Variants in SAMD8 observed in about 807,000 individuals in gnomAD.
SAMD8 encodes the protein sphingomyelin synthase-related protein 1.
Under a neutral mutation model 42.0 loss-of-function variants are expected in SAMD8, and 20 were observed. That is an observed-to-expected ratio of 0.48 (90% CI 0.34 to 0.69). SAMD8 has a LOEUF of 0.69. SAMD8 is among the 30% of genes least tolerant of loss of function. The pLI is 0.01. For synonymous variants in SAMD8, 162 were observed against 173.0 expected (o/e 0.94, Z 0.50); for missense variants, 328 against 511.6 (o/e 0.64, Z 3.46).
At chr10:75,109,027 T>C (rs867999591), upstream of SAMD8, 4 of 1,608,878 alleles carry the variant, frequency 2.5e-6, no homozygotes, top group Middle Eastern at 1.7e-4. Context: ...TATGAAAAGG[T>C]TGGGCCAAAC....
At position 75,136,577 on chromosome 10, in the gene SAMD8, C is replaced by A. The variant is rs143904990; in HGVS notation, c.-15-13937C>A. On this transcript the variant is annotated intron_variant, in intron 1 of 5. Coordinates refer to ENST00000542569, the MANE Select transcript of SAMD8 (RefSeq NM_001174156.2). Reference sequence around the variant, plus strand: ...TTGGTAATCAGTCAGGGTTCACTTGCAAGAGAGAGAAACTTCTTTGGTCTG... The same window carrying A: ...TTGGTAATCAGTCAGGGTTCACTTGAAAGAGAGAGAAACTTCTTTGGTCTG... Among the ~76,000 whole-genome samples the A allele has an allele frequency of 1.3e-3, 198 of 152,218 alleles. 4 individuals carry two copies. The highest frequency in any genetic ancestry group is 4.3e-3 in the African/African-American group (179 of 41,532).
chr10:75,118,237 C>T (rs527698390), intron 1 of SAMD8, among the ~76,000 whole-genome samples: 2 of 152,292 alleles, frequency 1.3e-5, no homozygotes, highest in South Asian at 4.1e-4. Flanking sequence ...AGAAAATCAC[C>T]ACTAAAGAGT....
rs1841047237 is a variant in SAMD8, at chr10:75,179,619, ATC to A, written c.*2931_*2932del. 2.0e-5 allele frequency: 3 copies of A among 152,214 alleles called. No individual in the cohort carries two copies. In the South Asian group the frequency reaches 6.2e-4, roughly 32 times the overall value. The allele number at this position is 152,214 out of a possible 1,614,324, so 9.4% of individuals were successfully genotyped here. On this transcript the variant is annotated 3_prime_UTR_variant, in exon 6 of 6. Transcript: ENST00000542569. ...AAGGCAGTGTTTACATAAATTAATC[ATC>A]TCTTTCTTGGAAAACATTGAGACAA... is the stretch of plus-strand genomic sequence containing the variant.
At chr10:75,162,250 G>A (rs530200969) in intron 2 of SAMD8, among the ~76,000 whole-genome samples, 11 of 152,144 alleles carry the variant, frequency 7.2e-5, no homozygotes, top group African/African-American at 2.2e-4. Flanking sequence ...TCCCAGCAAC[G>A]CGGGAGACTG....
At chr10:75,147,624 G>A (rs1439672824) in intron 1 of SAMD8, among the ~76,000 whole-genome samples, 1 of 152,118 alleles carries the variant, frequency 6.6e-6, no homozygotes, top group Non-Finnish European at 1.5e-5. Flanking sequence ...TGCCCGGCTG[G>A]CTTTGTTTTA....
chr10:75,135,024 G>A (rs1849358139), intron 1 of SAMD8, among the ~76,000 whole-genome samples: 1 of 151,956 alleles, frequency 6.6e-6, no homozygotes, highest in South Asian at 2.1e-4. Flanking sequence ...TTGTGTCATT[G>A]CTCTCCAGCC....
chr10:75,153,611 C>CAA (rs561306598), intron 2 of SAMD8, among the ~76,000 whole-genome samples: 1 of 138,504 alleles, frequency 7.2e-6, no homozygotes, highest in African/African-American at 2.7e-5. Context: ...GAGACTGTCT[C>CAA]AAAAAAAAAA....
chr10:75,136,309 G>A (rs933240568), intron 1 of SAMD8, among the ~76,000 whole-genome samples: 1 of 152,090 alleles, frequency 6.6e-6, no homozygotes, highest in East Asian at 1.9e-4. Context: ...TAATTGAATA[G>A]CTTTTTGAAA....
At chr10:75,157,372 T>A (rs781038250) in intron 2 of SAMD8, among the ~76,000 whole-genome samples, 3 of 152,064 alleles carry the variant, frequency 2.0e-5, no homozygotes, top group Non-Finnish European at 2.9e-5. Context: ...GGGTATAATG[T>A]TAGAACAGTG....
At chr10:75,103,912 G>A in intron 1 of SAMD8, 1 of 1,312,850 alleles carries the variant, frequency 7.6e-7, no homozygotes, top group Non-Finnish European at 1.0e-6. Flanking sequence ...ACTGAAGACA[G>A]TGGCTGAGAG....
chr10:75,161,633 A>G (rs899667620), intron 2 of SAMD8, among the ~76,000 whole-genome samples: 2 of 152,216 alleles, frequency 1.3e-5, no homozygotes, highest in Non-Finnish European at 2.9e-5. Context: ...CAAGAGAAAT[A>G]AGAGATGTTG....
chr10:75,115,784 C>T (rs1848866605), intron 1 of SAMD8, among the ~76,000 whole-genome samples: 1 of 151,660 alleles, frequency 6.6e-6, no homozygotes, highest in Non-Finnish European at 1.5e-5. Flanking sequence ...ACTAAAAATA[C>T]AAAAAAATTA....
chr10:75,112,687 G>A (rs942320460), intron 1 of SAMD8, among the ~76,000 whole-genome samples: 2 of 152,142 alleles, frequency 1.3e-5, no homozygotes, highest in African/African-American at 4.8e-5. Flanking sequence ...GACATGTTAA[G>A]ATCCTAAAAA....
At chr10:75,132,986 CTCAG>C (rs1330461879) in intron 1 of SAMD8, among the ~76,000 whole-genome samples, 1 of 152,090 alleles carries the variant, frequency 6.6e-6, no homozygotes, top group African/African-American at 2.4e-5. Flanking sequence ...AAGAGTCTGT[CTCAG>C]TCAATCAATA....
At chr10:75,110,755 A>G (rs145255616), upstream of SAMD8, among the ~76,000 whole-genome samples, 11 of 152,278 alleles carry the variant, frequency 7.2e-5, no homozygotes, top group African/African-American at 2.6e-4. Flanking sequence ...TCAGTTTGCA[A>G]TATGTCAGGC....
At chr10:75,111,623 G>A (rs1848769974), upstream of SAMD8, 11 of 1,248,080 alleles carry the variant, frequency 8.8e-6, no homozygotes, top group Non-Finnish European at 1.1e-5. Flanking sequence ...CGCCGCTTGA[G>A]GCGCTTCACT....
intron 3 of SAMD8, among the ~76,000 whole-genome samples, chr10:75,165,605 A>T (rs1397788760): frequency 6.6e-6 from 1 of 151,098 alleles, no homozygotes; most frequent in African/African-American, 2.4e-5. Context: ...CAGGAGGCAG[A>T]GCTTGCAGTG....
chr10:75,128,244 T>C (rs1849191299), intron 1 of SAMD8, among the ~76,000 whole-genome samples: 1 of 152,010 alleles, frequency 6.6e-6, no homozygotes, highest in Non-Finnish European at 1.5e-5. Flanking sequence ...AGCTAATTTT[T>C]GTATTTTTAG....
At chr10:75,148,293 G>A (rs922706841) in intron 1 of SAMD8, among the ~76,000 whole-genome samples, 8 of 148,968 alleles carry the variant, frequency 5.4e-5, no homozygotes, top group Non-Finnish European at 1.2e-4. Flanking sequence ...GTTACTGTAA[G>A]TCTTCGTGGC....
Sources: gnomAD v4.1 joint callset for allele counts (sites outside exome capture counted in the v4.1 genomes callset) on GRCh38, gnomAD v4.1.1 for gene constraint, MANE v1.5 for transcripts, NCBI Gene and HGNC (gene_info 2026-07-23, HGNC 2026-07-21) for gene names.